Variants in SYF2 observed in about 807,000 individuals in gnomAD.
SYF2 encodes SYF2 pre-mRNA splicing factor.
SYF2 carries 21 observed loss-of-function variants against 32.7 expected under a neutral mutation model. The observed-to-expected ratio is 0.64, with a 90% CI of 0.45 to 0.92. SYF2 has a LOEUF of 0.92. SYF2 is among the 40% of genes least tolerant of loss of function. The probability of loss-of-function intolerance (pLI) is 0.00; values close to 1 mark genes in which losing one functional copy is unlikely to be tolerated. For missense variants in SYF2, 278 were observed against 296.5 expected, an observed-to-expected ratio of 0.94 and a Z score of 0.46; for synonymous variants, 114 against 103.9, an observed-to-expected ratio of 1.10 and a Z score of -0.59.
In SYF2 at chr1:25,229,160, A is replaced by G. The variant is rs747350770; in HGVS notation, c.133-37T>C. 8 of 1,601,838 alleles carry G rather than the reference A, an allele frequency of 5.0e-6. No individual in the cohort carries two copies. In the Admixed American group the frequency reaches 5.2e-5, roughly 11 times the overall value. On this transcript the variant is annotated intron_variant, in intron 2 of 6. Coordinates refer to ENST00000236273, the MANE Select transcript of SYF2 (RefSeq NM_015484.5). ...ACACAAGAAGTCTGTCAGCTAAAAC[A>G]TGAAAATAAATCCAGATACACCTTG...
Position 25,223,517 on chromosome 1 carries a change from G to A in SYF2, c.567-86C>T, listed in dbSNP as rs562909866. On this transcript the variant is annotated intron_variant, in intron 6 of 6. Coordinates refer to ENST00000236273, the MANE Select transcript of SYF2 (RefSeq NM_015484.5). ...CACAACCAAACAGGAATATAATCAC[G>A]TTTAGAATAGCACATGTTGTGAGGG... 8.1e-5 allele frequency: 109 copies of A among 1,348,006 alleles called. No individual in the cohort carries two copies. The South Asian group carries it at 1.1e-3, about 14-fold the overall frequency. The allele number at this position is 1,348,006 out of a possible 1,614,324, so 83.5% of individuals were successfully genotyped here. A position where few individuals can be genotyped will look rare whatever the true frequency, so the allele number is the denominator to read the frequency against.
At chr1:25,228,298 A>G in intron 3 of SYF2, 63 bp from the exon 4 acceptor site, 1 of 1,320,846 alleles carries the variant, frequency 7.6e-7, no homozygotes, top group South Asian at 1.2e-5. Context: ...GATCTACTTT[A>G]CATCAAGAAA....
intron 3 of SYF2, 145 bp downstream of exon 3, chr1:25,228,853 G>T: frequency 2.5e-6 from 2 of 785,982 alleles, no homozygotes; most frequent in Non-Finnish European, 3.9e-6. Flanking sequence ...CTCACCCAAC[G>T]TGTTGCAGTT....
intron 1 of SYF2, 32 bp downstream of exon 1, chr1:25,232,412 A>C: frequency 6.2e-7 from 1 of 1,614,130 alleles, no homozygotes; most frequent in Non-Finnish European, 8.5e-7. Flanking sequence ...CCTCACCAAC[A>C]AAACCCCCGG....
In SYF2 at chr1:25,223,167, TA is replaced by T; in HGVS notation, c.*98del. The T allele has an allele frequency of 8.1e-7, 1 of 1,235,582 alleles. No individual in the cohort carries two copies. The highest frequency in any genetic ancestry group is 1.6e-5 in the South Asian group (1 of 62,164). The allele number at this position is 1,235,582 out of a possible 1,614,324, so 76.5% of individuals were successfully genotyped here. On this transcript the variant is annotated 3_prime_UTR_variant, in exon 7 of 7. Coordinates refer to ENST00000236273, the MANE Select transcript of SYF2 (RefSeq NM_015484.5). ...TGCTGAGTGAGAAGGCATGGACTACTAAATTCTGGATTACTGATAAAATTTC... is the reference window on the plus strand; with the variant it reads ...TGCTGAGTGAGAAGGCATGGACTACTAATTCTGGATTACTGATAAAATTTC...
rs1023442852 is a variant in SYF2 at position 25,222,520 on chromosome 1, T to C, written c.*746A>G. On this transcript the variant is annotated 3_prime_UTR_variant, in exon 7 of 7. Transcript: ENST00000236273. Reference sequence around the variant, plus strand: ...AGGACTGGCCATGAGTTAATGATTGTTGAACAGGGTACTGGGTATATGGGA... The same window carrying C: ...AGGACTGGCCATGAGTTAATGATTGCTGAACAGGGTACTGGGTATATGGGA... Among the ~76,000 whole-genome samples, 39 of 152,008 alleles carry C rather than the reference T, an allele frequency of 2.6e-4. No individual in the cohort carries two copies. The highest frequency in any genetic ancestry group is 1.3e-3 in the Admixed American group (20 of 15,214).
chr1:25,230,555 C>T (rs1638606149), intron 2 of SYF2: 1 of 152,174 alleles, frequency 6.6e-6, no homozygotes, highest in Non-Finnish European at 1.5e-5. Flanking sequence ...GAGAGATACT[C>T]CTCCCAACTA....
At chr1:25,227,346 T>C in intron 5 of SYF2, 96 bp downstream of exon 5, 1 of 1,018,128 alleles carries the variant, frequency 9.8e-7, no homozygotes, top group Non-Finnish European at 1.5e-6. Context: ...TAATAACCCA[T>C]ACCTTAGCAT....
rs1475578342 is a variant in SYF2, at chr1:25,222,823, GC to G, written c.*442del. ...CTGCTCCAGTCCTCCGGTGGCCACT[GC>G]CATCTTCCTCATCACTGTCCTTAGC... On this transcript the variant is annotated 3_prime_UTR_variant, in exon 7 of 7. Coordinates refer to ENST00000236273, the MANE Select transcript of SYF2 (RefSeq NM_015484.5). 1 of 154,296 alleles carries G rather than the reference GC, an allele frequency of 6.5e-6. No individual in the cohort carries two copies. The highest frequency in any genetic ancestry group is 1.4e-5 in the Non-Finnish European group (1 of 69,268). 9.6% of individuals were successfully genotyped at this position (154,296 alleles called of 1,614,324 possible).
Position 25,228,216 on chromosome 1 carries a change from TCTC to T in SYF2, c.275_277del (p.Gly92del), listed in dbSNP as rs772627548. 1.1e-5 allele frequency: 17 copies of T among 1,613,140 alleles called. 1 individual carries two copies. Among genetic ancestry groups the T allele is most frequent in the South Asian group, 8.8e-5 (8 of 91,072 alleles). ...CAGCAACTTCACTTTCTCATAGTCT[TCTC>T]CTCTTGCCGCACATTCCTAAAAAGA... is the stretch of plus-strand genomic sequence containing the variant. On this transcript the variant is annotated inframe_deletion, in exon 4 of 7. Transcript: ENST00000236273.
At position 25,223,447 on chromosome 1, in the gene SYF2, A is replaced by C. The variant is rs1638447381; in HGVS notation, c.567-16T>G. 6.3e-7 allele frequency: 1 copy of C among 1,591,740 alleles called. No homozygotes were observed. The highest frequency in any genetic ancestry group is 8.5e-7 in the Non-Finnish European group (1 of 1,172,124). ...TTTTTCAATCCTGGGGAAAGAAGAAAATTTACAAAATTCAAAATTGCCTTC... is the reference window on the plus strand; with the variant it reads ...TTTTTCAATCCTGGGGAAAGAAGAACATTTACAAAATTCAAAATTGCCTTC... On this transcript the variant is annotated splice_polypyrimidine_tract_variant and intron_variant, in intron 6 of 6. Transcript: ENST00000236273.
chr1:25,227,652 G>A lies in SYF2; in HGVS notation c.377-120C>T, dbSNP rs1048547371. On this transcript the variant is annotated intron_variant, in intron 4 of 6. Transcript: ENST00000236273. ...TTATCCAAAACGCTTGGAATCGGAAGTGTTTCTGATTTTTTTCAGATTTTG... is the reference window on the plus strand; with the variant it reads ...TTATCCAAAACGCTTGGAATCGGAAATGTTTCTGATTTTTTTCAGATTTTG... The A allele has an allele frequency of 3.5e-6, 3 of 856,242 alleles. No individual in the cohort carries two copies. The East Asian group carries it at 7.9e-5, about 23-fold the overall frequency. 53.0% of individuals were successfully genotyped at this position (856,242 alleles called of 1,614,324 possible).
rs144467262 is a variant in SYF2 at position 25,227,538 on chromosome 1, A to C, written c.377-6T>G. 63 of 1,610,748 alleles carry C rather than the reference A, an allele frequency of 3.9e-5. 1 individual carries two copies. In the African/African-American group the frequency reaches 6.9e-4, roughly 18 times the overall value. ...TAACTGGGCAGCAGCATAATCTAAAAATATAAAATGAGAATCAGCGATAAT... is the reference window on the plus strand; with the variant it reads ...TAACTGGGCAGCAGCATAATCTAAACATATAAAATGAGAATCAGCGATAAT... On this transcript the variant is annotated splice_polypyrimidine_tract_variant and splice_region_variant and intron_variant, in intron 4 of 6. Coordinates refer to ENST00000236273, the MANE Select transcript of SYF2 (RefSeq NM_015484.5).
chr1:25,232,148 G>T lies in SYF2; in HGVS notation c.88C>A (p.Arg30Ser), dbSNP rs776346136. The T allele has an allele frequency of 1.2e-6, 2 of 1,613,844 alleles. No individual in the cohort carries two copies. The highest frequency in any genetic ancestry group is 1.7e-6 in the Non-Finnish European group (2 of 1,180,008). ...AAAAELAAQKREQRLRKFREL... is the reference protein window; with the variant it reads ...AAAAELAAQKSEQRLRKFREL... ...CGGAATTTGCGCAGTCTCTGTTCGCGCTTCTGAGCGGCCAGCTCCGCCGCC... is the reference window on the plus strand; with the variant it reads ...CGGAATTTGCGCAGTCTCTGTTCGCTCTTCTGAGCGGCCAGCTCCGCCGCC... The change falls in exon 2 of 7, where the codon CGC (arginine) becomes AGC (serine). Residue 30 changes from arginine to serine, a missense_variant. Transcript: ENST00000236273.
At position 25,228,240 on chromosome 1, in the gene SYF2, A is replaced by G; in HGVS notation, c.259-5T>C. On this transcript the variant is annotated splice_polypyrimidine_tract_variant and splice_region_variant and intron_variant, in intron 3 of 6. Coordinates refer to ENST00000236273, the MANE Select transcript of SYF2 (RefSeq NM_015484.5). ...TTCTCCTCTTGCCGCACATTCCTAA[A>G]AAGAAGAAAAAAGCTGACACCTACA... The G allele has an allele frequency of 2.5e-6, 4 of 1,606,044 alleles. No homozygotes were observed. The highest frequency in any genetic ancestry group is 3.4e-6 in the Non-Finnish European group (4 of 1,177,410).
At chr1:25,224,912 C>A in intron 6 of SYF2, 90 bp downstream of exon 6, 1 of 960,434 alleles carries the variant, frequency 1.0e-6, no homozygotes, top group Non-Finnish European at 1.7e-6. Flanking sequence ...CTTTTGAATT[C>A]ATTCTAAGCA....
At chr1:25,230,054 G>C (rs1255997513) in intron 2 of SYF2, among the ~76,000 whole-genome samples, 1 of 152,152 alleles carries the variant, frequency 6.6e-6, no homozygotes, top group Non-Finnish European at 1.5e-5. Context: ...CTGGCCTCAA[G>C]TGATCTGCCC....
rs1320163619 is a variant in SYF2 at position 25,232,494 on chromosome 1, G to A, written c.-27C>T. On this transcript the variant is annotated 5_prime_UTR_variant, in exon 1 of 7. Coordinates refer to ENST00000236273, the MANE Select transcript of SYF2 (RefSeq NM_015484.5). Reference sequence around the variant, plus strand: ...ACAACCTTTCTCTCTTCCCACTTCCGGCAACAAGATAGAGCACTTCCGTCA... The same window carrying A: ...ACAACCTTTCTCTCTTCCCACTTCCAGCAACAAGATAGAGCACTTCCGTCA... 8.1e-6 allele frequency: 13 copies of A among 1,613,976 alleles called. No homozygotes were observed. Among genetic ancestry groups the A allele is most frequent in the Non-Finnish European group, 1.0e-5 (12 of 1,180,038 alleles).
intron 1 of SYF2, 45 bp from the exon 2 acceptor site, chr1:25,232,256 T>C (rs747916600): frequency 3.2e-6 from 5 of 1,585,038 alleles, no homozygotes; most frequent in Non-Finnish European, 3.4e-6. Flanking sequence ...GCTCAGCTTC[T>C]CCCAGGACTG....
Sources: allele counts gnomAD v4.1 joint callset (sites outside exome capture counted in the v4.1 genomes callset), GRCh38; gene constraint gnomAD v4.1.1; transcripts MANE v1.5; gene names NCBI Gene and HGNC (gene_info 2026-07-23, HGNC 2026-07-21).